Variants in ADAM10 observed in about 807,000 individuals in gnomAD.
ADAM10 encodes the protein disintegrin and metalloproteinase domain-containing protein 10.
In ADAM10, 17 loss-of-function variants were observed where a neutral mutation model predicts 90.1. That is an observed-to-expected ratio of 0.19 (90% CI 0.13 to 0.28). The LOEUF (loss-of-function observed/expected upper bound fraction) is 0.28. Among genes scored for constraint, ADAM10 ranks in the 10% least tolerant of loss-of-function variants. The pLI is 1.00. For missense variants in ADAM10, 610 were observed against 914.3 expected, an observed-to-expected ratio of 0.67 and a Z score of 4.29; for synonymous variants, 310 against 298.6, an observed-to-expected ratio of 1.04 and a Z score of -0.40.
At chr15:58,744,671 T>A (rs962632818) in intron 1 of ADAM10, among the ~76,000 whole-genome samples, 1 of 152,220 alleles carries the variant, frequency 6.6e-6, no homozygotes, top group African/African-American at 2.4e-5. Context: ...ATAGTAAATG[T>A]GTCTACAGTA....
At position 58,749,567 on chromosome 15, in the gene ADAM10, T is replaced by C. The variant is rs1394223263; in HGVS notation, c.-33A>G. The C allele has an allele frequency of 6.5e-7, 1 of 1,548,302 alleles. No homozygotes were observed. Among genetic ancestry groups the C allele is most frequent in the Admixed American group, 2.0e-5 (1 of 50,784 alleles). On this transcript the variant is annotated 5_prime_UTR_variant, in exon 1 of 16. Transcript: ENST00000260408. ...TGCCGCTGCCGCCGCCGCCGCCTCC[T>C]CACGGGTTAACAGCAGCACATCGAT...
Position 58,611,945 on chromosome 15 carries a change from T to C in ADAM10, c.1558A>G (p.Lys520Glu). Residue 520 changes from lysine to glutamate, a missense_variant, in exon 12 of 16, where the codon AAG becomes GAG. By Grantham distance (56) the Lys-to-Glu change is moderately conservative. Coordinates refer to ENST00000260408, the MANE Select transcript of ADAM10 (RefSeq NM_001110.4). ...GAATCATCCCGACACTTCTCAGACT[T>C]TGACTTGAATGCACACTGTGCTGTA... is the stretch of plus-strand genomic sequence containing the variant. ...CCTAQCAFKS[K>E]SEKCRDDSDC... is the part of the protein sequence containing the mutation. 1 of 1,614,196 alleles carries C rather than the reference T, an allele frequency of 6.2e-7. No individual in the cohort carries two copies. Among genetic ancestry groups the C allele is most frequent in the Non-Finnish European group, 8.5e-7 (1 of 1,180,030 alleles).
chr15:58,643,987 T>A lies in ADAM10; in HGVS notation c.736-9A>T. The A allele has an allele frequency of 1.3e-6, 2 of 1,581,514 alleles. No individual in the cohort carries two copies. The highest frequency in any genetic ancestry group is 1.7e-6 in the Non-Finnish European group (2 of 1,151,162). On this transcript the variant is annotated splice_polypyrimidine_tract_variant and intron_variant, in intron 6 of 15. Coordinates refer to ENST00000260408, the MANE Select transcript of ADAM10 (RefSeq NM_001110.4). The stretch of plus-strand genomic sequence containing the variant: ...TTAACATGACTGGATATCTATGATT[T>A]AAAAAAAAGAACATTTTAGAGGCAA...
chr15:58,722,749 T>G (rs1358607344), intron 1 of ADAM10, among the ~76,000 whole-genome samples: 2 of 148,558 alleles, frequency 1.3e-5, no homozygotes, highest in Non-Finnish European at 3.0e-5. Context: ...TTTTTTTTTT[T>G]GAGACAAGGT....
chr15:58,719,089 C>T (rs545525174), intron 1 of ADAM10, among the ~76,000 whole-genome samples: 7 of 152,146 alleles, frequency 4.6e-5, no homozygotes, highest in Non-Finnish European at 7.3e-5. Flanking sequence ...TTTGGGAGGC[C>T]GAGGCAGGTG....
At chr15:58,629,301 G>A (rs1464512997) in intron 9 of ADAM10, 2 of 152,166 alleles carry the variant, frequency 1.3e-5, no homozygotes, top group East Asian at 3.8e-4. Context: ...TGACATAACT[G>A]CTTAGTCTGA....
In ADAM10 at chr15:58,685,936, A is replaced by G. The variant is rs191192669; in HGVS notation, c.207-3622T>C. The stretch of plus-strand genomic sequence containing the variant: ...ATAAACAAAAAGTTTTGTTGCCACA[A>G]TGGTGGAGAAACCATTACTGGACTT... On this transcript the variant is annotated intron_variant, in intron 2 of 15. Transcript: ENST00000260408. Among the ~76,000 whole-genome samples the G allele has an allele frequency of 5.1e-3, 780 of 152,342 alleles. 9 individuals carry two copies. Among genetic ancestry groups the G allele is most frequent in the African/African-American group, 0.015 (626 of 41,584 alleles).
intron 14 of ADAM10, among the ~76,000 whole-genome samples, chr15:58,605,941 C>T (rs527281983): frequency 1.3e-5 from 2 of 151,988 alleles, no homozygotes; most frequent in Non-Finnish European, 2.9e-5. Flanking sequence ...AACAAAATGA[C>T]AAAGCAAGTA....
intron 2 of ADAM10, among the ~76,000 whole-genome samples, chr15:58,703,318 G>C (rs1228327174): frequency 8.2e-6 from 1 of 121,666 alleles, no homozygotes; most frequent in African/African-American, 3.1e-5. Context: ...AAAACACACA[G>C]AAATACCATA....
chr15:58,703,658 A>G (rs557803363), intron 2 of ADAM10, among the ~76,000 whole-genome samples: 1 of 152,276 alleles, frequency 6.6e-6, no homozygotes, highest in Non-Finnish European at 1.5e-5. Context: ...GTCCCCACCC[A>G]AATCTCATGT....
intron 10 of ADAM10, among the ~76,000 whole-genome samples, chr15:58,626,053 A>C (rs1334508200): frequency 1.3e-5 from 2 of 152,166 alleles, no homozygotes; most frequent in African/African-American, 4.8e-5. Context: ...TTGTAATGAC[A>C]GAACTGTTCT....
intron 9 of ADAM10, among the ~76,000 whole-genome samples, chr15:58,629,709 C>A (rs1300518862): frequency 6.6e-6 from 1 of 152,088 alleles, no homozygotes; most frequent in Non-Finnish European, 1.5e-5. Flanking sequence ...GATCTATTTC[C>A]TATCTGACTT....
intron 4 of ADAM10, among the ~76,000 whole-genome samples, chr15:58,672,070 T>C (rs1191193389): frequency 1.3e-5 from 2 of 151,384 alleles, no homozygotes; most frequent in Non-Finnish European, 2.9e-5. Flanking sequence ...TAAAACAAAA[T>C]AAAAGATAGT....
Position 58,727,227 on chromosome 15 carries a change from G to C in ADAM10, c.56-9500C>G, listed in dbSNP as rs183173262. On this transcript the variant is annotated intron_variant, in intron 1 of 15. Transcript: ENST00000260408. ...TTTTCCCAAAAACAGCGTTTCGCTC[G>C]TTGCCCAGGCCGTAGCGCAACGGCG... Among the ~76,000 whole-genome samples the C allele has an allele frequency of 5.2e-4, 62 of 119,012 alleles. 1 individual carries two copies. The highest frequency in any genetic ancestry group is 2.0e-3 in the African/African-American group (60 of 29,646). The allele number at this position is 119,012 out of a possible 152,430, so 78.1% of individuals were successfully genotyped here. A position where few individuals can be genotyped will look rare whatever the true frequency, so the allele number is the denominator to read the frequency against.
At chr15:58,653,359 T>C (rs1211355053) in intron 5 of ADAM10, among the ~76,000 whole-genome samples, 3 of 152,330 alleles carry the variant, frequency 2.0e-5, no homozygotes, top group South Asian at 2.1e-4. Flanking sequence ...GGATTCACTG[T>C]ACATTACTTT....
chr15:58,653,334 TATG>T (rs759521184), intron 5 of ADAM10, among the ~76,000 whole-genome samples: 11 of 152,214 alleles, frequency 7.2e-5, no homozygotes, highest in Non-Finnish European at 1.6e-4. Flanking sequence ...GCCCATTCAG[TATG>T]ATACTAGCTA....
intron 8 of ADAM10, 90 bp downstream of exon 8, chr15:58,640,687 T>A: frequency 7.9e-7 from 1 of 1,264,972 alleles, no homozygotes; most frequent in Non-Finnish European, 1.1e-6. Flanking sequence ...CAGGCATCAC[T>A]TTCTCCTATA....
chr15:58,717,696 G>C lies in ADAM10; in HGVS notation c.87C>G (p.Ile29Met). 1 of 1,612,676 alleles carries C rather than the reference G, an allele frequency of 6.2e-7. No homozygotes were observed. Among genetic ancestry groups the C allele is most frequent in the Non-Finnish European group, 8.5e-7 (1 of 1,179,604 alleles). The change falls in exon 2 of 16, where the codon ATC becomes ATG. Residue 29 changes from isoleucine to methionine, a missense_variant. By Grantham distance (10) the Ile-to-Met change is conservative. Around this residue, in one of 4 missense-constraint regions of ADAM10, gnomAD observed 310 missense variants for 362.4 expected, o/e 0.86. Transcript: ENST00000260408. The part of the protein sequence containing the change: ...GQYGNPLNKY[I>M]RHYEGLSYNV... ...TGTAAGATAATCCTTCATAATGTCT[G>C]ATATATTTATTTAAAGGATTCCCAT...
At chr15:58,740,915 T>G (rs1159733430) in intron 1 of ADAM10, among the ~76,000 whole-genome samples, 1 of 152,238 alleles carries the variant, frequency 6.6e-6, no homozygotes, top group African/African-American at 2.4e-5. Flanking sequence ...TATCCATCTG[T>G]ATTTTGTAAC....
Sources: gnomAD v4.1 joint callset for allele counts (sites outside exome capture counted in the v4.1 genomes callset) on GRCh38, gnomAD v4.1.1 for gene constraint, gnomAD v4.1.1 regional missense constraint, MANE v1.5 for transcripts, NCBI Gene and HGNC (gene_info 2026-07-23, HGNC 2026-07-21) for gene names.